The following IFT81 variants were observed in gnomAD, a reference collection of about 807,000 sequenced individuals.
IFT81 encodes the protein intraflagellar transport protein 81 homolog.
In IFT81, 72 loss-of-function variants were observed where a neutral mutation model predicts 102.6. The ratio of observed to expected loss-of-function variants is 0.70; its 90% confidence interval spans 0.58 to 0.85. The LOEUF is 0.85. IFT81 is among the 40% of genes least tolerant of loss of function. IFT81 has a pLI of 0.00. For missense variants in IFT81, 723 were observed against 787.3 expected (o/e 0.92, Z 0.98); for synonymous variants, 237 against 242.7 (o/e 0.98, Z 0.22).
chr12:110,209,597 C>T (rs1345049153), intron 18 of IFT81, among the ~76,000 whole-genome samples: 1 of 151,850 alleles, frequency 6.6e-6, no homozygotes, highest in Non-Finnish European at 1.5e-5. Context: ...GGTGAAACCC[C>T]GTCTCTATGA....
At chr12:110,165,191 G>T (rs1896368982) in intron 11 of IFT81, among the ~76,000 whole-genome samples, 2 of 152,058 alleles carry the variant, frequency 1.3e-5, no homozygotes, top group Admixed American at 6.6e-5. Flanking sequence ...AACAAATCAA[G>T]TAAGGTATTT....
intron 8 of IFT81, among the ~76,000 whole-genome samples, chr12:110,137,164 AC>A (rs1894565213): frequency 6.6e-6 from 1 of 152,160 alleles, no homozygotes; most frequent in South Asian, 2.1e-4. Context: ...ACATGGCGAA[AC>A]CCCATCTCTA....
At chr12:110,185,008 A>G (rs1324110169) in intron 12 of IFT81, among the ~76,000 whole-genome samples, 1 of 152,102 alleles carries the variant, frequency 6.6e-6, no homozygotes, top group Admixed American at 6.5e-5. Context: ...TTCTTCCCCA[A>G]TTCACCACAA....
intron 12 of IFT81, among the ~76,000 whole-genome samples, chr12:110,190,709 TC>T (rs1375604514): frequency 1.3e-5 from 2 of 152,186 alleles, no homozygotes; most frequent in Non-Finnish European, 2.9e-5. Flanking sequence ...TAGAAATACT[TC>T]CTATGTACCT....
intron 11 of IFT81, 74 bp from the exon 12 acceptor site, chr12:110,180,348 G>T: frequency 4.7e-6 from 4 of 848,534 alleles, no homozygotes; most frequent in Non-Finnish European, 7.0e-6. Flanking sequence ...TGAATATATT[G>T]AGTTTATACA....
intron 14 of IFT81, 139 bp downstream of exon 14, chr12:110,192,845 C>G: frequency 1.9e-6 from 1 of 540,482 alleles, no homozygotes; most frequent in Non-Finnish European, 3.3e-6. Context: ...GTTATTGATA[C>G]AATTCTTCAA....
chr12:110,185,325 A>T (rs540911598), intron 12 of IFT81, among the ~76,000 whole-genome samples: 22 of 152,204 alleles, frequency 1.4e-4, no homozygotes, highest in African/African-American at 4.3e-4. Context: ...AGCTGGGACT[A>T]CAGGAGTGTG....
intron 18 of IFT81, among the ~76,000 whole-genome samples, chr12:110,213,353 C>T (rs550516432): frequency 7.9e-5 from 12 of 151,850 alleles, no homozygotes; most frequent in African/African-American, 2.9e-4. Flanking sequence ...TGTTGGTAAC[C>T]CTTTGGTGTC....
chr12:110,156,200 A>C (rs1895827314), intron 10 of IFT81, among the ~76,000 whole-genome samples: 1 of 152,208 alleles, frequency 6.6e-6, no homozygotes, highest in Non-Finnish European at 1.5e-5. Context: ...TTCAGCTATT[A>C]ATAATAATTG....
At chr12:110,126,073 T>C (rs892486894) in intron 1 of IFT81, among the ~76,000 whole-genome samples, 2 of 152,058 alleles carry the variant, frequency 1.3e-5, no homozygotes, top group African/African-American at 4.8e-5. Context: ...GGTCAGGAGA[T>C]CCAGACCATC....
intron 17 of IFT81, among the ~76,000 whole-genome samples, chr12:110,207,556 CTTT>C (rs896586216): frequency 1.0e-5 from 1 of 97,188 alleles, no homozygotes; most frequent in Non-Finnish European, 1.9e-5. Flanking sequence ...GTCCTTCAGT[CTTT>C]TTTTTTTTTT....
At chr12:110,217,730 T>A (rs1218039486) in intron 18 of IFT81, among the ~76,000 whole-genome samples, 2 of 151,690 alleles carry the variant, frequency 1.3e-5, no homozygotes, top group African/African-American at 2.4e-5. Context: ...CCTGGCTAAT[T>A]TTTTTTTGTA....
intron 15 of IFT81, chr12:110,204,404 A>G (rs1340063749): frequency 6.5e-6 from 1 of 154,686 alleles, no homozygotes; most frequent in Non-Finnish European, 1.4e-5. Flanking sequence ...AAACCTGTTT[A>G]AAATTTTTGC....
At chr12:110,212,357 C>T (rs1379220027) in intron 18 of IFT81, among the ~76,000 whole-genome samples, 5 of 151,646 alleles carry the variant, frequency 3.3e-5, no homozygotes, top group African/African-American at 9.7e-5. Context: ...CCAGTCTGGC[C>T]AACATGGTGA....
intron 11 of IFT81, among the ~76,000 whole-genome samples, chr12:110,165,921 C>T (rs1200608599): frequency 3.3e-5 from 5 of 152,168 alleles, no homozygotes; most frequent in Non-Finnish European, 7.3e-5. Context: ...TGAAAGTAAT[C>T]ATTTGCATGG....
chr12:110,187,366 TGATTC>T (rs1897582319), intron 12 of IFT81, among the ~76,000 whole-genome samples: 1 of 151,956 alleles, frequency 6.6e-6, no homozygotes, highest in Non-Finnish European at 1.5e-5. Context: ...TGGGTTCAAG[TGATTC>T]TCCCACCTCA....
At chr12:110,189,830 A>G (rs1054822066) in intron 12 of IFT81, among the ~76,000 whole-genome samples, 1 of 152,192 alleles carries the variant, frequency 6.6e-6, no homozygotes, top group Non-Finnish European at 1.5e-5. Context: ...TCAAGTCAGA[A>G]ACCTTGAACT....
intron 11 of IFT81, among the ~76,000 whole-genome samples, chr12:110,170,335 C>T (rs959529678): frequency 2.0e-5 from 3 of 152,198 alleles, no homozygotes; most frequent in Non-Finnish European, 2.9e-5. Context: ...TGGTGAGAAA[C>T]TTAAATTTGC....
At chr12:110,174,783 A>G (rs1437882171) in intron 11 of IFT81, among the ~76,000 whole-genome samples, 2 of 152,218 alleles carry the variant, frequency 1.3e-5, no homozygotes, top group African/African-American at 2.4e-5. Context: ...AAAACATACT[A>G]AATACACAAA....
Sources: gnomAD v4.1 joint callset for allele counts (sites outside exome capture counted in the v4.1 genomes callset) on GRCh38, gnomAD v4.1.1 for gene constraint, MANE v1.5 for transcripts, NCBI Gene and HGNC (gene_info 2026-07-23, HGNC 2026-07-21) for gene names.